Variants in ZPBP observed in about 807,000 individuals in gnomAD.
ZPBP encodes zona pellucida binding protein.
A neutral mutation model predicts 44.8 loss-of-function variants in ZPBP; 26 were observed. That is an observed-to-expected ratio of 0.58 (90% CI 0.43 to 0.81). The LOEUF is 0.81. Ranked by LOEUF, ZPBP falls within the 30% of genes least tolerant of loss-of-function variation. ZPBP has a pLI of 0.00. For missense variants in ZPBP, 409 were observed against 434.0 expected, an observed-to-expected ratio of 0.94 and a Z score of 0.51; for synonymous variants, 174 against 153.2, an observed-to-expected ratio of 1.14 and a Z score of -1.00.
chr7:49,939,976 T>G (rs1169876373), intron 7 of ZPBP, among the ~76,000 whole-genome samples: 5 of 152,164 alleles, frequency 3.3e-5, no homozygotes, highest in Admixed American at 3.3e-4. Flanking sequence ...TGAAAAGGGA[T>G]TTGTGGTCTC....
At chr7:50,067,780 C>G (rs1345331046) in intron 3 of ZPBP, among the ~76,000 whole-genome samples, 2 of 152,152 alleles carry the variant, frequency 1.3e-5, no homozygotes, top group Non-Finnish European at 2.9e-5. Context: ...GCAGTGGCAG[C>G]TAGTGTTTTA....
chr7:49,885,513 T>A (rs1791863914), intron 2 of ZPBP, among the ~76,000 whole-genome samples: 1 of 151,646 alleles, frequency 6.6e-6, no homozygotes. Flanking sequence ...AAACTCGTTA[T>A]ATAATTAGGA....
intron 2 of ZPBP, among the ~76,000 whole-genome samples, chr7:49,875,899 G>A (rs1035845234): frequency 5.9e-5 from 9 of 152,102 alleles, no homozygotes; most frequent in African/African-American, 9.7e-5. Context: ...CCCTGGCATC[G>A]ACTATGATAT....
intron 3 of ZPBP, among the ~76,000 whole-genome samples, chr7:50,072,235 G>C (rs1801875587): frequency 6.6e-6 from 1 of 152,350 alleles, no homozygotes; most frequent in African/African-American, 2.4e-5. Flanking sequence ...CCTGGGGGTG[G>C]TGGTGGCTAT....
rs690714 is a variant in ZPBP at position 49,910,934 on chromosome 7, T to A, written n.412-9719A>T. 3.6e-3 allele frequency among the ~76,000 whole-genome samples: 552 copies of A among 152,268 alleles called. 2 individuals carry two copies. Among genetic ancestry groups the A allele is most frequent in the African/African-American group, 0.013 (529 of 41,562 alleles). ...CTGCAAACAGTGTTTTCAACAGCCC[T>A]CCAGGCCATTGTAATGTATGGGAAA... is the stretch of plus-strand genomic sequence containing the variant. On this transcript the variant is annotated intron_variant and non_coding_transcript_variant, in intron 1 of 2. Transcript: ENST00000465922.
chr7:49,885,917 G>C (rs1457210169), intron 2 of ZPBP, among the ~76,000 whole-genome samples: 1 of 152,244 alleles, frequency 6.6e-6, no homozygotes, highest in African/African-American at 2.4e-5. Context: ...CAAGACCTCC[G>C]TGATTCTGGG....
At chr7:49,865,275 A>C (rs1400229895) in intron 2 of ZPBP, among the ~76,000 whole-genome samples, 1 of 152,188 alleles carries the variant, frequency 6.6e-6, no homozygotes. Flanking sequence ...TGATCTCTGA[A>C]ATCTGAGTAC....
chr7:49,974,090 C>T (rs1356161306), intron 7 of ZPBP, among the ~76,000 whole-genome samples: 1 of 151,936 alleles, frequency 6.6e-6, no homozygotes, highest in Non-Finnish European at 1.5e-5. Flanking sequence ...CAAAAGTAGA[C>T]AAATTCATAG....
chr7:50,092,067 C>A (rs1484027986), intron 1 of ZPBP, among the ~76,000 whole-genome samples: 1 of 152,178 alleles, frequency 6.6e-6, no homozygotes, highest in Non-Finnish European at 1.5e-5. Flanking sequence ...CTATTCATCA[C>A]TTACAAGATA....
chr7:49,860,406 T>A (rs1790601802), intron 2 of ZPBP, among the ~76,000 whole-genome samples: 1 of 152,230 alleles, frequency 6.6e-6, no homozygotes, highest in Non-Finnish European at 1.5e-5. Flanking sequence ...TCAAGGTTCA[T>A]CCAACTTGTA....
chr7:50,036,855 A>C (rs1584093769), intron 4 of ZPBP, among the ~76,000 whole-genome samples: 1 of 152,198 alleles, frequency 6.6e-6, no homozygotes, highest in East Asian at 1.9e-4. Context: ...AGTTAGGGAA[A>C]GAGAACAAGA....
intron 1 of ZPBP, among the ~76,000 whole-genome samples, chr7:49,911,397 G>T (rs924515831): frequency 6.9e-6 from 1 of 144,480 alleles, no homozygotes; most frequent in Non-Finnish European, 1.5e-5. Flanking sequence ...CAGGAGAATC[G>T]CTTGAACCCC....
chr7:50,034,583 TG>T (rs973349391), intron 4 of ZPBP, among the ~76,000 whole-genome samples: 118 of 152,294 alleles, frequency 7.7e-4, no homozygotes, highest in African/African-American at 2.6e-3. Flanking sequence ...TTTGTTTTTC[TG>T]TGTTTTCCAT....
intron 2 of ZPBP, among the ~76,000 whole-genome samples, chr7:49,852,360 C>T (rs1034420054): frequency 6.6e-6 from 1 of 152,196 alleles, no homozygotes; most frequent in Non-Finnish European, 1.5e-5. Context: ...AGAGGCCTGG[C>T]AGGCATGAGC....
At chr7:50,077,187 G>T (rs1032924703) in intron 3 of ZPBP, among the ~76,000 whole-genome samples, 1 of 151,940 alleles carries the variant, frequency 6.6e-6, no homozygotes, top group African/African-American at 2.4e-5. Flanking sequence ...GGGAAAACTG[G>T]ATATCCATAT....
intron 2 of ZPBP, among the ~76,000 whole-genome samples, chr7:49,877,751 T>C (rs1298731030): frequency 2.7e-5 from 4 of 150,670 alleles, no homozygotes; most frequent in African/African-American, 9.8e-5. Context: ...TTTTCAGGTG[T>C]CAGCTGCTTT....
chr7:49,998,378 A>C (rs551550178), intron 6 of ZPBP, among the ~76,000 whole-genome samples: 1 of 152,360 alleles, frequency 6.6e-6, no homozygotes, highest in East Asian at 1.9e-4. Context: ...GTCTGAAGCC[A>C]TTTATGTGAT....
chr7:50,007,088 A>G (rs1043807206), intron 6 of ZPBP, among the ~76,000 whole-genome samples: 23 of 151,952 alleles, frequency 1.5e-4, no homozygotes, highest in African/African-American at 5.6e-4. Flanking sequence ...GAACCAACCA[A>G]GAGAAGGCAC....
intron 2 of ZPBP, among the ~76,000 whole-genome samples, chr7:50,083,241 A>G (rs2128853216): frequency 6.6e-6 from 1 of 152,036 alleles, no homozygotes; most frequent in African/African-American, 2.4e-5. Context: ...ATATTCCTCT[A>G]CATCAACAAT....
Sources: allele counts gnomAD v4.1 joint callset (sites outside exome capture counted in the v4.1 genomes callset), GRCh38; gene constraint gnomAD v4.1.1; transcripts MANE v1.5; gene names NCBI Gene and HGNC (gene_info 2026-07-23, HGNC 2026-07-21).